The following FBXL17 variants were observed in gnomAD, a reference collection of about 807,000 sequenced individuals.
The protein encoded by FBXL17 is F-box/LRR-repeat protein 17.
A neutral mutation model predicts 66.2 loss-of-function variants in FBXL17; 22 were observed. The ratio of observed to expected loss-of-function variants is 0.33; its 90% confidence interval spans 0.24 to 0.47. The LOEUF is 0.47. Among genes scored for constraint, FBXL17 ranks in the 20% least tolerant of loss-of-function variants. The pLI, the probability that FBXL17 is intolerant of heterozygous loss-of-function variation, is 1.00. For missense variants in FBXL17, 878 were observed against 948.2 expected, an observed-to-expected ratio of 0.93 and a Z score of 0.97; for synonymous variants, 474 against 400.5, an observed-to-expected ratio of 1.18 and a Z score of -2.19.
chr5:108,333,376 CAAATT>C (rs1760226151), intron 4 of FBXL17, among the ~76,000 whole-genome samples: 1 of 151,964 alleles, frequency 6.6e-6, no homozygotes, highest in Non-Finnish European at 1.5e-5. Flanking sequence ...GATGGACAGA[CAAATT>C]ACTACGTTAA....
intron 7 of FBXL17, among the ~76,000 whole-genome samples, chr5:107,881,511 A>C (rs1459123480): frequency 6.6e-6 from 1 of 152,204 alleles, no homozygotes; most frequent in Non-Finnish European, 1.5e-5. Flanking sequence ...ATTTAAAAAA[A>C]CCCAAGTACT....
chr5:107,970,636 T>C (rs909192611), intron 7 of FBXL17, among the ~76,000 whole-genome samples: 4 of 152,176 alleles, frequency 2.6e-5, no homozygotes, highest in African/African-American at 9.7e-5. Context: ...GCGTGCCTGG[T>C]AGTAGAGGCT....
intron 6 of FBXL17, among the ~76,000 whole-genome samples, chr5:108,078,609 A>C (rs954863605): frequency 1.3e-5 from 2 of 152,116 alleles, no homozygotes; most frequent in Non-Finnish European, 2.9e-5. Context: ...AAAGATCTGA[A>C]AGAAGCATTT....
At chr5:108,002,042 A>G (rs971355506) in intron 7 of FBXL17, among the ~76,000 whole-genome samples, 8 of 151,954 alleles carry the variant, frequency 5.3e-5, no homozygotes, top group Admixed American at 3.3e-4. Flanking sequence ...TTTGAGATGG[A>G]GTTTCACTTG....
intron 6 of FBXL17, among the ~76,000 whole-genome samples, chr5:108,065,186 C>T (rs1244035714): frequency 6.6e-6 from 1 of 151,978 alleles, no homozygotes; most frequent in East Asian, 1.9e-4. Context: ...ATGATATGTA[C>T]ATATGTATGT....
chr5:107,883,286 G>A (rs1748853273), intron 7 of FBXL17, among the ~76,000 whole-genome samples: 1 of 152,174 alleles, frequency 6.6e-6, no homozygotes, highest in African/African-American at 2.4e-5. Context: ...AGTGTCACAA[G>A]ATAGTAAGTG....
intron 7 of FBXL17, among the ~76,000 whole-genome samples, chr5:107,966,255 C>A (rs186026545): frequency 3.8e-4 from 58 of 152,236 alleles, no homozygotes; most frequent in Middle Eastern, 6.8e-3. Context: ...CCCTGACTAT[C>A]TGTATTTTGG....
Position 108,020,890 on chromosome 5 carries a change from CT to C in FBXL17, c.1822+34del, listed in dbSNP as rs778510782. 1.1e-4 allele frequency: 165 copies of C among 1,444,010 alleles called. 1 individual carries two copies. The highest frequency in any genetic ancestry group is 1.3e-4 in the Non-Finnish European group (136 of 1,028,988). The allele number at this position is 1,444,010 out of a possible 1,614,324, so 89.4% of individuals were successfully genotyped here. A position where few individuals can be genotyped will look rare whatever the true frequency, so the allele number is the denominator to read the frequency against. On this transcript the variant is annotated intron_variant, in intron 7 of 8. Coordinates refer to ENST00000542267, the MANE Select transcript of FBXL17 (RefSeq NM_001163315.3). ...TTCAATGATTTTGTAACTTTTTATT[CT>C]TAGAAAGGATTAGGAAAATGGTTCA...
intron 6 of FBXL17, among the ~76,000 whole-genome samples, chr5:108,059,473 G>T (rs1307216159): frequency 1.3e-5 from 2 of 152,122 alleles, no homozygotes; most frequent in Admixed American, 1.3e-4. Flanking sequence ...TGACAATGGT[G>T]CCTCAGCAGG....
intron 1 of FBXL17, among the ~76,000 whole-genome samples, chr5:108,379,872 C>CA (rs1749717577): frequency 6.6e-6 from 1 of 152,146 alleles, no homozygotes; most frequent in Admixed American, 6.5e-5. Flanking sequence ...CATCTCCCAA[C>CA]AAAAAATACA....
At chr5:108,196,416 C>T (rs536081469) in intron 5 of FBXL17, among the ~76,000 whole-genome samples, 8 of 152,252 alleles carry the variant, frequency 5.3e-5, no homozygotes, top group Non-Finnish European at 8.8e-5. Flanking sequence ...TGTACACCCA[C>T]TGATGTTGCT....
chr5:108,210,955 T>G (rs867531672), intron 5 of FBXL17, among the ~76,000 whole-genome samples: 85 of 152,312 alleles, frequency 5.6e-4, no homozygotes, highest in African/African-American at 2.0e-3. Context: ...TAAGTCTCCT[T>G]GTAGGTCTCT....
chr5:108,343,265 C>A (rs186535000), intron 4 of FBXL17, among the ~76,000 whole-genome samples: 49 of 152,246 alleles, frequency 3.2e-4, no homozygotes, highest in African/African-American at 1.0e-3. Context: ...ATCTTTAGAT[C>A]ACCTCTTTAG....
intron 3 of FBXL17, among the ~76,000 whole-genome samples, chr5:108,354,077 T>C (rs1183827868): frequency 2.6e-5 from 4 of 152,238 alleles, no homozygotes; most frequent in South Asian, 2.1e-4. Context: ...TTGAGTATCC[T>C]GTCAGCACTC....
intron 5 of FBXL17, among the ~76,000 whole-genome samples, chr5:108,203,831 A>G (rs1003264472): frequency 6.6e-6 from 1 of 152,210 alleles, no homozygotes; most frequent in Non-Finnish European, 1.5e-5. Flanking sequence ...AAGGAGGATG[A>G]AAATTGAGTT....
Position 108,374,414 on chromosome 5 carries a change from A to G in FBXL17, c.993+6285T>C, listed in dbSNP as rs537578832. ...AGGCCAGGAACAGCAGCTCAGGCCT[A>G]TAATTCCAGCATTTTGGGAGGCCGA... On this transcript the variant is annotated intron_variant, in intron 1 of 8. Transcript: ENST00000542267. Among the ~76,000 whole-genome samples the G allele has an allele frequency of 1.2e-4, 18 of 152,308 alleles. No individual in the cohort carries two copies. The South Asian group carries it at 2.7e-3, about 23-fold the overall frequency.
At chr5:108,226,427 A>G (rs1393577922) in intron 4 of FBXL17, among the ~76,000 whole-genome samples, 1 of 152,146 alleles carries the variant, frequency 6.6e-6, no homozygotes. Context: ...TCATTTTAAT[A>G]TATGATTTTT....
chr5:108,381,985 G>C lies in FBXL17; in HGVS notation c.-294C>G, dbSNP rs1750006691. 3 of 1,187,670 alleles carry C rather than the reference G, an allele frequency of 2.5e-6. No homozygotes were observed. Among genetic ancestry groups the C allele is most frequent in the South Asian group, 3.7e-5 (1 of 27,024 alleles). 73.6% of individuals were successfully genotyped at this position (1,187,670 alleles called of 1,614,324 possible). On this transcript the variant is annotated 5_prime_UTR_variant, in exon 1 of 9. Coordinates refer to ENST00000542267, the MANE Select transcript of FBXL17 (RefSeq NM_001163315.3). The stretch of plus-strand genomic sequence containing the variant: ...AGCGAGCCTGCCGGCTAGGCGACCA[G>C]TCCGGGCCCGGCCAGCCGGCTCAGT...
At chr5:108,274,760 T>C (rs1213980262) in intron 4 of FBXL17, among the ~76,000 whole-genome samples, 1 of 152,210 alleles carries the variant, frequency 6.6e-6, no homozygotes, top group Non-Finnish European at 1.5e-5. Context: ...CCATGAAATC[T>C]TCACAATCCA....
Sources: gnomAD v4.1 joint callset for allele counts (sites outside exome capture counted in the v4.1 genomes callset) on GRCh38, gnomAD v4.1.1 for gene constraint, MANE v1.5 for transcripts, NCBI Gene and HGNC (gene_info 2026-07-23, HGNC 2026-07-21) for gene names.